SLC25A21: variants seen among roughly 807,000 people sequenced by gnomAD.
SLC25A21 encodes solute carrier family 25 member 21, also known as mitochondrial 2-oxodicarboxylate carrier.
Under a neutral mutation model 43.8 loss-of-function variants are expected in SLC25A21, and 47 were observed. That is an observed-to-expected ratio of 1.07 (90% confidence interval 0.85 to 1.37). The LOEUF (loss-of-function observed/expected upper bound fraction) is 1.37, where lower values mean the gene tolerates loss of function less well. SLC25A21 is among the 40% of genes most tolerant of loss of function. The probability of loss-of-function intolerance (pLI) is 0.00; values close to 1 mark genes in which losing one functional copy is unlikely to be tolerated. For synonymous variants in SLC25A21, 131 were observed against 121.3 expected (o/e 1.08, Z -0.52); for missense variants, 352 against 350.2 (o/e 1.00, Z -0.04).
intron 7 of SLC25A21, among the ~76,000 whole-genome samples, chr14:36,693,118 T>G (rs1469385751): frequency 6.6e-6 from 1 of 152,272 alleles, no homozygotes; most frequent in African/African-American, 2.4e-5. Flanking sequence ...ATGAAGGAAC[T>G]GCAGAAGATT....
intron 1 of SLC25A21, among the ~76,000 whole-genome samples, chr14:36,879,387 G>A (rs1247824680): frequency 6.6e-6 from 1 of 152,080 alleles, no homozygotes; most frequent in East Asian, 1.9e-4. Context: ...ACAAAATACT[G>A]ATTTTATAAG....
chr14:37,073,295 T>C (rs1448419241), intron 1 of SLC25A21, among the ~76,000 whole-genome samples: 1 of 152,264 alleles, frequency 6.6e-6, no homozygotes, highest in Non-Finnish European at 1.5e-5. Context: ...CAGTTCCCTA[T>C]TCTTTTTCCA....
At chr14:36,821,415 T>G (rs1332642677) in intron 2 of SLC25A21, among the ~76,000 whole-genome samples, 1 of 152,170 alleles carries the variant, frequency 6.6e-6, no homozygotes, top group Non-Finnish European at 1.5e-5. Flanking sequence ...CATTTCTCTA[T>G]GTCCATAGCT....
At chr14:36,811,691 G>A (rs1888274065) in intron 3 of SLC25A21, among the ~76,000 whole-genome samples, 1 of 152,070 alleles carries the variant, frequency 6.6e-6, no homozygotes, top group African/African-American at 2.4e-5. Flanking sequence ...AAAAAAGGCA[G>A]CATTTCCAAT....
intron 3 of SLC25A21, among the ~76,000 whole-genome samples, chr14:36,771,061 T>C (rs745500657): frequency 2.0e-5 from 3 of 152,178 alleles, no homozygotes; most frequent in Non-Finnish European, 2.9e-5. Flanking sequence ...TATGTCAACA[T>C]TCCACTGTGA....
chr14:36,966,638 T>G (rs770028771), intron 1 of SLC25A21, among the ~76,000 whole-genome samples: 1 of 152,228 alleles, frequency 6.6e-6, no homozygotes, highest in Non-Finnish European at 1.5e-5. Context: ...TCTGCTCCTC[T>G]GCGACATTCC....
At chr14:36,802,655 G>T (rs1173837608) in intron 3 of SLC25A21, among the ~76,000 whole-genome samples, 2 of 152,152 alleles carry the variant, frequency 1.3e-5, no homozygotes, top group East Asian at 3.9e-4. Context: ...TAAGAGAACA[G>T]AAGGAGGAAA....
chr14:36,740,799 A>G (rs1885222917), intron 3 of SLC25A21, among the ~76,000 whole-genome samples: 1 of 152,126 alleles, frequency 6.6e-6, no homozygotes. Context: ...AAACCCTCAA[A>G]GATGCCTTCT....
chr14:37,128,161 C>T (rs374158145), intron 1 of SLC25A21, among the ~76,000 whole-genome samples: 1 of 152,164 alleles, frequency 6.6e-6, no homozygotes, highest in Non-Finnish European at 1.5e-5. Flanking sequence ...AATGCCCAAA[C>T]CAATGGATTA....
intron 3 of SLC25A21, among the ~76,000 whole-genome samples, chr14:36,737,538 T>C (rs906183174): frequency 1.3e-5 from 2 of 152,152 alleles, no homozygotes; most frequent in East Asian, 1.9e-4. Context: ...GCAGCCTTTG[T>C]TGGTAAATGG....
In SLC25A21 at chr14:36,962,564, C is replaced by T. The variant is rs116227086; in HGVS notation, c.71-87560G>A. ...TCTTTTTTATTTTTCCAATATTTCA[C>T]TTATGCAATACTCTTCTTTCTGTGT... On this transcript the variant is annotated intron_variant, in intron 1 of 9. Coordinates refer to ENST00000331299, the MANE Select transcript of SLC25A21 (RefSeq NM_030631.4). 1.5e-3 allele frequency among the ~76,000 whole-genome samples: 221 copies of T among 152,218 alleles called. 1 individual carries two copies. The highest frequency in any genetic ancestry group is 5.1e-3 in the African/African-American group (212 of 41,548).
chr14:36,948,929 G>T (rs1005229695), intron 1 of SLC25A21, among the ~76,000 whole-genome samples: 2 of 152,146 alleles, frequency 1.3e-5, no homozygotes, highest in Non-Finnish European at 2.9e-5. Context: ...TATATGGTTT[G>T]CATTATATCC....
intron 2 of SLC25A21, among the ~76,000 whole-genome samples, chr14:36,858,627 T>G (rs1415336913): frequency 6.6e-6 from 1 of 152,104 alleles, no homozygotes; most frequent in African/African-American, 2.4e-5. Flanking sequence ...TTCCTGAGAG[T>G]TATGTTTGAT....
chr14:37,051,976 A>C (rs1961717239), intron 1 of SLC25A21, among the ~76,000 whole-genome samples: 1 of 152,194 alleles, frequency 6.6e-6, no homozygotes, highest in Admixed American at 6.5e-5. Flanking sequence ...AGTGGACCCG[A>C]AGGGCCCGAG....
chr14:36,711,643 C>G (rs765997518), intron 6 of SLC25A21, among the ~76,000 whole-genome samples, 161 bp from the exon 7 acceptor site: 1 of 152,106 alleles, frequency 6.6e-6, no homozygotes, highest in African/African-American at 2.4e-5. Flanking sequence ...TCAGCAAACC[C>G]AAGAAGCAAA....
At chr14:36,941,144 T>C (rs954170241) in intron 1 of SLC25A21, among the ~76,000 whole-genome samples, 1 of 148,622 alleles carries the variant, frequency 6.7e-6, no homozygotes, top group African/African-American at 2.6e-5. Context: ...CAAACCAAAC[T>C]CCGGGAGTAC....
At chr14:36,789,815 A>ATATTTTATATATTTATATT (rs1887394312) in intron 3 of SLC25A21, among the ~76,000 whole-genome samples, 3 of 83,588 alleles carry the variant, frequency 3.6e-5, no homozygotes, top group Non-Finnish European at 2.2e-5. Context: ...TATATTATAT[A>ATATTTTATATATTTATATT]TAATATATTT....
intron 1 of SLC25A21, among the ~76,000 whole-genome samples, chr14:36,994,170 C>T (rs1026491916): frequency 6.6e-6 from 1 of 152,070 alleles, no homozygotes; most frequent in Non-Finnish European, 1.5e-5. Flanking sequence ...CATTAGGGAT[C>T]GGGGAGATGT....
intron 1 of SLC25A21, among the ~76,000 whole-genome samples, chr14:36,976,072 G>A (rs12232098): frequency 0.038 from 5,780 of 152,230 alleles, 250 homozygotes; most frequent in East Asian, 0.14. Context: ...TAGAAAAATG[G>A]TAAGAGCAGA....
Sources: gnomAD v4.1 joint callset for allele counts (sites outside exome capture counted in the v4.1 genomes callset) on GRCh38, gnomAD v4.1.1 for gene constraint, MANE v1.5 for transcripts, NCBI Gene and HGNC (gene_info 2026-07-23, HGNC 2026-07-21) for gene names.